The following DCHS2 variants were observed in gnomAD, a reference collection of about 807,000 sequenced individuals.
DCHS2 encodes protocadherin-23.
A neutral mutation model predicts 182.4 loss-of-function variants in DCHS2; 142 were observed. The observed-to-expected ratio is 0.78, with a 90% CI of 0.68 to 0.89. DCHS2 has a LOEUF of 0.89. Ranked by LOEUF, DCHS2 falls within the 40% of genes least tolerant of loss-of-function variation. The pLI is 0.00. For synonymous variants in DCHS2, 1,740 were observed against 1,663.3 expected (o/e 1.05, Z -1.12); for missense variants, 4,319 against 4,198.6 (o/e 1.03, Z -0.79).
intron 13 of DCHS2, among the ~76,000 whole-genome samples, chr4:154,275,524 A>T (rs1733814431): frequency 6.6e-6 from 1 of 152,114 alleles, no homozygotes; most frequent in African/African-American, 2.4e-5. Context: ...ATTTTGAGAG[A>T]CATATTGTTA....
intron 3 of DCHS2, among the ~76,000 whole-genome samples, chr4:154,364,090 C>A (rs976971683): frequency 1.3e-5 from 2 of 152,112 alleles, no homozygotes; most frequent in African/African-American, 4.8e-5. Context: ...AATAAGAACC[C>A]AAGGCTATTT....
chr4:154,391,376 A>G, intron 1 of DCHS2: 3 of 1,505,982 alleles, frequency 2.0e-6, no homozygotes, highest in South Asian at 2.6e-5. Flanking sequence ...CTACAGGTTC[A>G]CATATGGAAA....
rs780826998 is a variant in DCHS2 at position 154,333,283 on chromosome 4, GTTGTCA to G, written c.2919_2924del (p.Asp974_Asn975del). 6.2e-7 allele frequency: 1 copy of G among 1,614,226 alleles called. No homozygotes were observed. The highest frequency in any genetic ancestry group is 8.5e-7 in the Non-Finnish European group (1 of 1,180,038). ...CCGAGGTCCTGAGGAACGCTGGGTG[GTTGTCA>G]TTGACATCCATGACTGTTATGTTGA... On this transcript the variant is annotated inframe_deletion, in exon 5 of 20. Transcript: ENST00000357232.
At chr4:154,373,211 T>C (rs1399174029) in intron 2 of DCHS2, among the ~76,000 whole-genome samples, 1 of 152,226 alleles carries the variant, frequency 6.6e-6, no homozygotes, top group Non-Finnish European at 1.5e-5. Context: ...GGAAGACTAC[T>C]GAGTCATTAC....
chr4:154,366,062 A>G (rs1240746650), intron 3 of DCHS2, 148 bp downstream of exon 3: 5 of 634,630 alleles, frequency 7.9e-6, no homozygotes, highest in African/African-American at 5.5e-5. Flanking sequence ...GCCATTTTCA[A>G]TATACTTCAG....
intron 1 of DCHS2, among the ~76,000 whole-genome samples, chr4:154,474,518 G>A (rs1387740005): frequency 2.6e-5 from 4 of 152,170 alleles, no homozygotes; most frequent in African/African-American, 7.2e-5. Flanking sequence ...GAGAGACTGA[G>A]GTCTTGCTGT....
rs994369200 is a variant in DCHS2, at chr4:154,491,752, G to T, written c.-397C>A. The stretch of plus-strand genomic sequence containing the variant: ...AAAAGGAGGAGATTATATGAAGCGC[G>T]CACACACAAGGAGAGGATGGGGATC... On this transcript the variant is annotated 5_prime_UTR_variant, in exon 1 of 20. Coordinates refer to ENST00000357232, the MANE Select transcript of DCHS2 (RefSeq NM_001358235.2). 12 of 1,010,224 alleles carry T rather than the reference G, an allele frequency of 1.2e-5. No homozygotes were observed. The highest frequency in any genetic ancestry group is 3.5e-5 in the African/African-American group (2 of 57,922). The allele number at this position is 1,010,224 out of a possible 1,614,324, so 62.6% of individuals were successfully genotyped here. A position where few individuals can be genotyped will look rare whatever the true frequency, so the allele number is the denominator to read the frequency against.
chr4:154,260,707 C>G (rs1395970515), intron 14 of DCHS2, among the ~76,000 whole-genome samples: 4 of 152,196 alleles, frequency 2.6e-5, no homozygotes, highest in South Asian at 2.1e-4. Context: ...CATTTCCCAG[C>G]AGCTGCATCA....
In DCHS2 at chr4:154,332,530, TA is replaced by T; in HGVS notation, c.3677del (p.Leu1226HisfsTer14). 2 of 1,614,200 alleles carry T rather than the reference TA, an allele frequency of 1.2e-6. No homozygotes were observed. Among genetic ancestry groups the T allele is most frequent in the Non-Finnish European group, 1.7e-6 (2 of 1,180,012 alleles). On this transcript the variant is annotated frameshift_variant, in exon 5 of 20. Coordinates refer to ENST00000357232, the MANE Select transcript of DCHS2 (RefSeq NM_001358235.2). LOFTEE classifies it high-confidence loss of function. ...TTCCATCAGACAAAAGGAAATATAA[TA>T]GCTGTCCATTCTTTCCAGAGTCCAT... ...IDMDSGKNGQ[L>X]LYFLLSDGKF...
At chr4:154,299,142 C>T (rs906815220) in intron 12 of DCHS2, among the ~76,000 whole-genome samples, 1 of 152,102 alleles carries the variant, frequency 6.6e-6, no homozygotes, top group Admixed American at 6.5e-5. Flanking sequence ...CAGAAATGAA[C>T]AGATTTGATT....
intron 19 of DCHS2, among the ~76,000 whole-genome samples, chr4:154,238,152 A>C (rs1245201113): frequency 1.7e-5 from 1 of 60,130 alleles, no homozygotes; most frequent in Non-Finnish European, 4.2e-5. Context: ...AGAGAGAGAA[A>C]AGACGGTGGG....
intron 17 of DCHS2, 40 bp from the exon 18 acceptor site, chr4:154,240,863 C>T (rs745615177): frequency 3.1e-5 from 50 of 1,601,162 alleles, no homozygotes; most frequent in Non-Finnish European, 4.2e-5. Flanking sequence ...CATTAAAATT[C>T]ATCCTTTGAA....
Position 154,360,562 on chromosome 4 carries a change from T to C in DCHS2, c.2476+5648A>G, listed in dbSNP as rs539148941. Among the ~76,000 whole-genome samples the C allele has an allele frequency of 3.3e-4, 50 of 152,260 alleles. No individual in the cohort carries two copies. The Middle Eastern group carries it at 0.01, about 31-fold the overall frequency. On this transcript the variant is annotated intron_variant, in intron 3 of 19. Transcript: ENST00000357232. ...CTCACATCCCTTATGAAATGAGGTGTGGTATTAATTTATTAACTGTATACC... is the reference window on the plus strand; with the variant it reads ...CTCACATCCCTTATGAAATGAGGTGCGGTATTAATTTATTAACTGTATACC...
intron 7 of DCHS2, among the ~76,000 whole-genome samples, chr4:154,324,163 A>C (rs1736190059): frequency 6.6e-6 from 1 of 152,204 alleles, no homozygotes; most frequent in African/African-American, 2.4e-5. Context: ...GGAAATCGTT[A>C]AGCATGATTT....
chr4:154,297,716 T>A, intron 13 of DCHS2, 135 bp downstream of exon 13: 1 of 1,382,896 alleles, frequency 7.2e-7, no homozygotes. Context: ...CCATGTTTAT[T>A]CCAATATCAA....
intron 1 of DCHS2, among the ~76,000 whole-genome samples, chr4:154,457,488 G>A (rs894919491): frequency 3.9e-5 from 6 of 152,084 alleles, no homozygotes; most frequent in African/African-American, 9.7e-5. Context: ...TAATGCTTCC[G>A]TGGCAACATT....
intron 3 of DCHS2, chr4:154,357,185 G>A (rs1264323622): frequency 6.9e-7 from 1 of 1,444,990 alleles, no homozygotes; most frequent in Non-Finnish European, 9.7e-7. Flanking sequence ...GAATGCTTCT[G>A]ACTCTGGCTT....
At position 154,310,391 on chromosome 4, in the gene DCHS2, A is replaced by T. The variant is rs182695742; in HGVS notation, c.5261-5160T>A. ...CTTGAGAGTTTCTTTGATTGGTTGG[A>T]TTCAATGGGAGCCTATAATCACTGA... On this transcript the variant is annotated intron_variant, in intron 10 of 19. Transcript: ENST00000357232. Among the ~76,000 whole-genome samples, 7 of 152,320 alleles carry T rather than the reference A, an allele frequency of 4.6e-5. No individual in the cohort carries two copies. In the East Asian group the frequency reaches 1.4e-3, roughly 29 times the overall value.
intron 1 of DCHS2, among the ~76,000 whole-genome samples, chr4:154,398,579 GAT>G (rs1409372391): frequency 6.6e-6 from 1 of 152,108 alleles, no homozygotes; most frequent in Non-Finnish European, 1.5e-5. Flanking sequence ...ATGTGCTTAT[GAT>G]ATAGAATAAC....
Sources: gnomAD v4.1 joint callset for allele counts (sites outside exome capture counted in the v4.1 genomes callset) on GRCh38, gnomAD v4.1.1 for gene constraint, MANE v1.5 for transcripts, NCBI Gene and HGNC (gene_info 2026-07-23, HGNC 2026-07-21) for gene names.